The following XKR4 variants were observed in gnomAD, a reference collection of about 807,000 sequenced individuals.
XKR4 encodes XK-related protein 4.
Under a neutral mutation model 53.9 loss-of-function variants are expected in XKR4, and 12 were observed. The ratio of observed to expected loss-of-function variants is 0.22; its 90% confidence interval spans 0.14 to 0.36. The LOEUF is 0.36. XKR4 is among the 10% of genes least tolerant of loss of function. The probability of loss-of-function intolerance (pLI) is 1.00; values close to 1 mark genes in which losing one functional copy is unlikely to be tolerated. For synonymous variants in XKR4, 354 were observed against 362.4 expected, an observed-to-expected ratio of 0.98 and a Z score of 0.26; for missense variants, 799 against 859.5, an observed-to-expected ratio of 0.93 and a Z score of 0.88.
intron 1 of XKR4, among the ~76,000 whole-genome samples, chr8:55,344,951 C>T (rs1238125210): frequency 2.6e-5 from 4 of 152,154 alleles, no homozygotes; most frequent in East Asian, 1.9e-4. Context: ...CTTGTTTTCA[C>T]ATAATAATAA....
At chr8:55,519,013 G>A (rs892730927) in intron 2 of XKR4, among the ~76,000 whole-genome samples, 3 of 152,184 alleles carry the variant, frequency 2.0e-5, no homozygotes, top group African/African-American at 7.2e-5. Context: ...TCCAGAGAAA[G>A]GCAGGTTAAC....
At chr8:55,327,015 C>T (rs1408357462) in intron 1 of XKR4, among the ~76,000 whole-genome samples, 1 of 151,954 alleles carries the variant, frequency 6.6e-6, no homozygotes, top group Non-Finnish European at 1.5e-5. Flanking sequence ...AGAAAAAGAC[C>T]TCGGAGGCTG....
intron 2 of XKR4, among the ~76,000 whole-genome samples, chr8:55,362,828 C>T (rs1269342871): frequency 6.6e-6 from 1 of 152,232 alleles, no homozygotes; most frequent in Non-Finnish European, 1.5e-5. Context: ...CTCAGCAATA[C>T]AGCCTTGCTG....
At chr8:55,340,452 A>T (rs1399376023) in intron 1 of XKR4, among the ~76,000 whole-genome samples, 1 of 152,250 alleles carries the variant, frequency 6.6e-6, no homozygotes, top group Non-Finnish European at 1.5e-5. Flanking sequence ...CACCAGCCTA[A>T]GGAGCTTGTA....
chr8:55,415,171 A>G (rs1002936322), intron 2 of XKR4, among the ~76,000 whole-genome samples: 6 of 152,236 alleles, frequency 3.9e-5, no homozygotes, highest in Admixed American at 6.5e-5. Context: ...ATGTCAGACT[A>G]TAGGTACTGC....
chr8:55,478,263 G>C (rs1447616648), intron 2 of XKR4, among the ~76,000 whole-genome samples: 9 of 151,992 alleles, frequency 5.9e-5, no homozygotes, highest in African/African-American at 2.4e-5. Flanking sequence ...CTTAAAAAAA[G>C]AATTTTCAAC....
intron 2 of XKR4, 38 bp from the exon 3 acceptor site, chr8:55,523,243 T>C: frequency 3.3e-6 from 5 of 1,525,310 alleles, no homozygotes; most frequent in Non-Finnish European, 3.5e-6. Context: ...TTGCTGCAAC[T>C]GATTTCTGAC....
At chr8:55,452,345 C>A (rs1805462459) in intron 2 of XKR4, 1 of 629,802 alleles carries the variant, frequency 1.6e-6, no homozygotes, top group Non-Finnish European at 2.9e-6. Flanking sequence ...CCTTCTCCCC[C>A]ACCAGGGGGT....
intron 2 of XKR4, among the ~76,000 whole-genome samples, chr8:55,423,296 T>C (rs756409095): frequency 3.3e-5 from 5 of 152,178 alleles, no homozygotes; most frequent in South Asian, 2.1e-4. Context: ...GGTTTCACCA[T>C]GTTGGCCAGG....
At chr8:55,144,389 C>A (rs1006074148) in intron 1 of XKR4, among the ~76,000 whole-genome samples, 8 of 151,862 alleles carry the variant, frequency 5.3e-5, no homozygotes, top group African/African-American at 1.4e-4. Flanking sequence ...AAAAAAAATT[C>A]TATAATAAGA....
chr8:55,307,367 A>T (rs1448878482), intron 1 of XKR4, among the ~76,000 whole-genome samples: 1 of 152,134 alleles, frequency 6.6e-6, no homozygotes, highest in East Asian at 1.9e-4. Context: ...CATATACAGG[A>T]GGGGTGCAGT....
At position 55,505,568 on chromosome 8, in the gene XKR4, T is replaced by A. The variant is rs192903252; in HGVS notation, c.1007-17713T>A. On this transcript the variant is annotated intron_variant, in intron 2 of 2. Transcript: ENST00000327381. Reference sequence around the variant, plus strand: ...CCCATCTCAAAAACAAACAAATTTTTAAAAAATAAAAATAAAGAGTATGTA... The same window carrying A: ...CCCATCTCAAAAACAAACAAATTTTAAAAAAATAAAAATAAAGAGTATGTA... Among the ~76,000 whole-genome samples the A allele has an allele frequency of 3.7e-3, 562 of 152,228 alleles. 5 individuals carry two copies. The highest frequency in any genetic ancestry group is 0.013 in the African/African-American group (532 of 41,534).
chr8:55,114,673 C>T (rs1816281091), intron 1 of XKR4, among the ~76,000 whole-genome samples: 1 of 152,184 alleles, frequency 6.6e-6, no homozygotes, highest in African/African-American at 2.4e-5. Context: ...TTTATATTCA[C>T]AATAGATCTA....
chr8:55,444,439 A>G (rs1485446097), intron 2 of XKR4, among the ~76,000 whole-genome samples: 1 of 152,232 alleles, frequency 6.6e-6, no homozygotes, highest in Non-Finnish European at 1.5e-5. Context: ...AAAGAGAAGT[A>G]GATAAACAGT....
chr8:55,273,708 T>TCAG (rs1818725384), intron 1 of XKR4, among the ~76,000 whole-genome samples: 1 of 152,112 alleles, frequency 6.6e-6, no homozygotes, highest in South Asian at 2.1e-4. Context: ...CCCTGACCAA[T>TCAG]CAGCACTCCT....
At chr8:55,224,739 C>T (rs1445031157) in intron 1 of XKR4, among the ~76,000 whole-genome samples, 3 of 152,152 alleles carry the variant, frequency 2.0e-5, no homozygotes, top group Non-Finnish European at 2.9e-5. Flanking sequence ...ACTCATTTAA[C>T]TTTACATTCT....
At chr8:55,510,683 C>G (rs958784938) in intron 2 of XKR4, among the ~76,000 whole-genome samples, 1 of 152,180 alleles carries the variant, frequency 6.6e-6, no homozygotes, top group East Asian at 1.9e-4. Context: ...GGAAAAAGAG[C>G]AGCAAGTTAC....
intron 2 of XKR4, among the ~76,000 whole-genome samples, chr8:55,430,396 C>G (rs754383087): frequency 6.6e-6 from 1 of 152,178 alleles, no homozygotes; most frequent in Non-Finnish European, 1.5e-5. Context: ...TGGAAACAAT[C>G]TACATTTCCT....
intron 1 of XKR4, among the ~76,000 whole-genome samples, chr8:55,341,009 G>A (rs548688521): frequency 6.6e-6 from 1 of 152,282 alleles, no homozygotes; most frequent in Admixed American, 6.5e-5. Context: ...GGGTGTTTGA[G>A]CATGGAACTC....
Sources: allele counts gnomAD v4.1 joint callset (sites outside exome capture counted in the v4.1 genomes callset), GRCh38; gene constraint gnomAD v4.1.1; transcripts MANE v1.5; gene names NCBI Gene and HGNC (gene_info 2026-07-23, HGNC 2026-07-21).